The following GATA4 variants were observed in gnomAD, a reference collection of about 807,000 sequenced individuals.
GATA4 encodes transcription factor GATA-4.
A neutral mutation model predicts 37.9 loss-of-function variants in GATA4; 7 were observed. The ratio of observed to expected loss-of-function variants is 0.18; its 90% CI spans 0.11 to 0.35. The LOEUF (loss-of-function observed/expected upper bound fraction) is 0.35, where lower values mean the gene tolerates loss of function less well. Among genes scored for constraint, GATA4 ranks in the 10% least tolerant of loss-of-function variants. The pLI, the probability that GATA4 is intolerant of heterozygous loss-of-function variation, is 1.00. For synonymous variants in GATA4, 372 were observed against 292.6 expected (o/e 1.27, Z -2.77); for missense variants, 647 against 653.0 (o/e 0.99, Z 0.10).
chr8:11,756,203 G>C (rs1037025045), intron 5 of GATA4, among the ~76,000 whole-genome samples: 1 of 152,254 alleles, frequency 6.6e-6, no homozygotes, highest in East Asian at 1.9e-4. Flanking sequence ...AGGCATGACA[G>C]AGTCAGATAA....
At chr8:11,731,791 A>G (rs1801224252) in intron 2 of GATA4, among the ~76,000 whole-genome samples, 1 of 152,266 alleles carries the variant, frequency 6.6e-6, no homozygotes, top group Admixed American at 6.5e-5. Flanking sequence ...GTACAAGCTT[A>G]GTAAGTAGAA....
At position 11,749,198 on chromosome 8, in the gene GATA4, G is replaced by A. The variant is rs576022710; in HGVS notation, c.786+113G>A. 1.8e-5 allele frequency: 18 copies of A among 989,440 alleles called. No individual in the cohort carries two copies. Among genetic ancestry groups the A allele is most frequent in the African/African-American group, 3.2e-5 (2 of 62,520 alleles). 61.3% of individuals were successfully genotyped at this position (989,440 alleles called of 1,614,324 possible). ...CTTGAGGGTGTGCATCGGGGATTAC[G>A]TGGGTGAGAGCCCCATAATAATTCT... On this transcript the variant is annotated intron_variant, in intron 3 of 6. Coordinates refer to ENST00000532059, the MANE Select transcript of GATA4 (RefSeq NM_001308093.3). The surrounding 1 kb of genome is among the most constrained non-coding windows in gnomAD (Gnocchi z 4.6).
chr8:11,743,255 G>C (rs992671336), intron 2 of GATA4, among the ~76,000 whole-genome samples: 1 of 152,268 alleles, frequency 6.6e-6, no homozygotes, highest in South Asian at 2.1e-4. Flanking sequence ...CAAGGAGTTA[G>C]CATGGATTTT....
intron 1 of GATA4, among the ~76,000 whole-genome samples, chr8:11,683,789 C>A (rs1036831418): frequency 1.3e-5 from 2 of 152,238 alleles, no homozygotes. Flanking sequence ...ATCTAGCCAG[C>A]CTTCCATTCA....
At chr8:11,750,009 C>G (rs1459232245) in intron 3 of GATA4, 102 bp from the exon 4 acceptor site, 2 of 1,549,794 alleles carry the variant, frequency 1.3e-6, no homozygotes, top group African/African-American at 2.7e-5. Context: ...GGGCCCAGCC[C>G]TGCCTCCCGT....
chr8:11,680,684 C>G lies in GATA4; in HGVS notation c.-274+3621C>G, dbSNP rs147648850. On this transcript the variant is annotated intron_variant, in intron 1 of 6. Coordinates refer to the GATA4 transcript ENST00000528712. Reference sequence around the variant, plus strand: ...GTCGCCCTTTGCGTCAGAGACCCCCCCCTTGGGGAGACCGGAATCCTCCAG... The same window carrying G: ...GTCGCCCTTTGCGTCAGAGACCCCCGCCTTGGGGAGACCGGAATCCTCCAG... 3.6e-3 allele frequency: 3,573 copies of G among 985,324 alleles called. 114 individuals carry two copies. In the South Asian group the frequency reaches 0.087, roughly 24 times the overall value. 61.0% of individuals were successfully genotyped at this position (985,324 alleles called of 1,614,324 possible). A position where few individuals can be genotyped will look rare whatever the true frequency, so the allele number is the denominator to read the frequency against.
intron 1 of GATA4, among the ~76,000 whole-genome samples, chr8:11,684,516 G>T (rs1387599068): frequency 6.6e-6 from 1 of 152,184 alleles, no homozygotes; most frequent in African/African-American, 2.4e-5. Context: ...GATTTGTTTA[G>T]ATCCTAAATG....
chr8:11,681,639 T>A (rs1187254653), intron 1 of GATA4, among the ~76,000 whole-genome samples: 2 of 152,250 alleles, frequency 1.3e-5, no homozygotes, highest in Non-Finnish European at 1.5e-5. Flanking sequence ...TGTGAACGTT[T>A]CTTGTCTCCT....
intron 1 of GATA4, chr8:11,697,753 G>A (rs1470681527): frequency 1.0e-6 from 1 of 985,382 alleles, no homozygotes. Context: ...GCCAGGTCGC[G>A]GCGCCTGCCT....
chr8:11,697,648 T>C, intron 1 of GATA4: 1 of 985,374 alleles, frequency 1.0e-6, no homozygotes, highest in Non-Finnish European at 1.2e-6. Flanking sequence ...AGCCCCCCTT[T>C]CAGAGGACCC....
In GATA4 at chr8:11,708,172, G is replaced by GT. The variant is rs1477715088; in HGVS notation, c.-135dup. On this transcript the variant is annotated 5_prime_UTR_variant, in exon 2 of 7. Coordinates refer to ENST00000532059, the MANE Select transcript of GATA4 (RefSeq NM_001308093.3). The surrounding 1 kb of genome is among the most constrained non-coding windows in gnomAD (Gnocchi z 6.7). ...TACGTATATATTTTTAAGCGAGTTGGTTTTTTCCCCTTTGATTTTTGATCT... is the reference window on the plus strand; with the variant it reads ...TACGTATATATTTTTAAGCGAGTTGGTTTTTTTCCCCTTTGATTTTTGATCT... 9 of 959,140 alleles carry GT rather than the reference G, an allele frequency of 9.4e-6. No individual in the cohort carries two copies. The highest frequency in any genetic ancestry group is 2.8e-5 in the South Asian group (2 of 71,932). 59.4% of individuals were successfully genotyped at this position (959,140 alleles called of 1,614,324 possible).
At chr8:11,733,727 A>C (rs1326804254) in intron 2 of GATA4, among the ~76,000 whole-genome samples, 1 of 152,226 alleles carries the variant, frequency 6.6e-6, no homozygotes, top group Non-Finnish European at 1.5e-5. Flanking sequence ...GCAGAGGAGT[A>C]TCCATGGTAT....
At position 11,758,940 on chromosome 8, in the gene GATA4, G is replaced by A. The variant is rs1342570912; in HGVS notation, c.*465G>A. On this transcript the variant is annotated 3_prime_UTR_variant, in exon 7 of 7. Transcript: ENST00000532059. ...GGACAGGCCCTTGCCCCATCCATCC[G>A]CTTGAGGCATGGCACCGCCCTGCAT... 1.1e-5 allele frequency: 3 copies of A among 264,386 alleles called. No individual in the cohort carries two copies. The highest frequency in any genetic ancestry group is 2.2e-5 in the Non-Finnish European group (3 of 134,412). 16.4% of individuals were successfully genotyped at this position (264,386 alleles called of 1,614,324 possible).
At chr8:11,721,149 G>C (rs1800655795) in intron 2 of GATA4, among the ~76,000 whole-genome samples, 2 of 151,646 alleles carry the variant, frequency 1.3e-5, no homozygotes, top group South Asian at 2.1e-4. Context: ...GCAAGGGGGC[G>C]AAAGTGGGTT....
intron 4 of GATA4, among the ~76,000 whole-genome samples, chr8:11,751,669 A>T (rs752524006): frequency 6.6e-6 from 1 of 152,268 alleles, no homozygotes; most frequent in South Asian, 2.1e-4. Context: ...ATGGACTGAC[A>T]TCTCACAGAA....
At chr8:11,741,700 A>G (rs1277965945) in intron 2 of GATA4, among the ~76,000 whole-genome samples, 1 of 152,208 alleles carries the variant, frequency 6.6e-6, no homozygotes, top group Non-Finnish European at 1.5e-5. Flanking sequence ...TCAAAATCTA[A>G]TCTTGACAAT....
chr8:11,758,186 A>G lies in GATA4; in HGVS notation c.1150-107A>G, dbSNP rs745379. 0.44 allele frequency: 478,575 copies of G among 1,092,154 alleles called. 114,028 individuals carry two copies. Among genetic ancestry groups the G allele is most frequent in the Non-Finnish European group, 0.5 (359,777 of 713,706 alleles). 67.7% of individuals were successfully genotyped at this position (1,092,154 alleles called of 1,614,324 possible). On this transcript the variant is annotated intron_variant, in intron 6 of 6. Transcript: ENST00000532059. The stretch of plus-strand genomic sequence containing the variant: ...CTCCTTGGTCCCTTCCTGAGGGCTG[A>G]AGCCATCCTGGGGACATCTGCATAG...
rs1170257242 is a variant in GATA4, at chr8:11,749,992, G to A, written c.787-119G>A. 18 of 1,391,508 alleles carry A rather than the reference G, an allele frequency of 1.3e-5. No homozygotes were observed. The highest frequency in any genetic ancestry group is 1.8e-5 in the Non-Finnish European group (18 of 996,244). The allele number at this position is 1,391,508 out of a possible 1,614,324, so 86.2% of individuals were successfully genotyped here. ...TCACAGGTCAGAGATCTCATGCAGG[G>A]TCGTTAGGGCCCAGCCCTGCCTCCC... On this transcript the variant is annotated intron_variant, in intron 3 of 6. Transcript: ENST00000532059. This position sits in a 1 kb window ranked among gnomAD's most constrained non-coding sequence, Gnocchi z 4.6.
chr8:11,704,671 G>A (rs34888744), intron 1 of GATA4, among the ~76,000 whole-genome samples: 30,811 of 152,196 alleles, frequency 0.2, 5,223 homozygotes, highest in African/African-American at 0.46. Flanking sequence ...GGACTGACGG[G>A]CCCGGGACAG....
Sources: allele counts gnomAD v4.1 joint callset (sites outside exome capture counted in the v4.1 genomes callset), GRCh38; gene constraint gnomAD v4.1.1; non-coding constraint Gnocchi (gnomAD v3.1); transcripts MANE v1.5; gene names NCBI Gene and HGNC (gene_info 2026-07-23, HGNC 2026-07-21).